ZNF804B: variants seen among roughly 807,000 people sequenced by gnomAD.
ZNF804B encodes zinc finger protein 804B.
Under a neutral mutation model 101.4 loss-of-function variants are expected in ZNF804B, and 80 were observed. The ratio of observed to expected loss-of-function variants is 0.79; its 90% CI spans 0.66 to 0.95. The LOEUF is 0.95. Among genes scored for constraint, ZNF804B ranks in the 40% least tolerant of loss-of-function variants. ZNF804B has a pLI of 0.00. For missense variants in ZNF804B, 1,673 were observed against 1,561.9 expected (o/e 1.07, Z -1.20); for synonymous variants, 622 against 558.8 (o/e 1.11, Z -1.59).
intron 2 of ZNF804B, among the ~76,000 whole-genome samples, chr7:89,298,243 T>A (rs1790419187): frequency 1.7e-5 from 2 of 119,040 alleles, no homozygotes; most frequent in Non-Finnish European, 3.4e-5. Flanking sequence ...TATATATATA[T>A]ATATATATAT....
At chr7:89,292,841 CT>C (rs141253223) in intron 2 of ZNF804B, among the ~76,000 whole-genome samples, 4,029 of 151,528 alleles carry the variant, frequency 0.027, 187 homozygotes, top group African/African-American at 0.092. Context: ...AACAACTGGA[CT>C]TTTTTTTGTA....
chr7:89,063,598 G>A (rs1333683805), intron 1 of ZNF804B, among the ~76,000 whole-genome samples: 5 of 152,142 alleles, frequency 3.3e-5, no homozygotes, highest in African/African-American at 1.2e-4. Flanking sequence ...ACCACCTTGT[G>A]CTTTATGATG....
intron 1 of ZNF804B, chr7:88,794,005 C>T (rs567233880): frequency 1.7e-5 from 8 of 473,230 alleles, no homozygotes; most frequent in Non-Finnish European, 2.5e-5. Flanking sequence ...AATACCACAA[C>T]AAATAGATAC....
At position 89,267,516 on chromosome 7, in the gene ZNF804B, T is replaced by G. The variant is rs368142609; in HGVS notation, c.249+49221T>G. 2.6e-3 allele frequency among the ~76,000 whole-genome samples: 389 copies of G among 152,184 alleles called. 3 individuals are homozygous for G. The highest frequency in any genetic ancestry group is 9.1e-3 in the African/African-American group (376 of 41,538). On this transcript the variant is annotated intron_variant, in intron 2 of 3. Transcript: ENST00000333190. ...CTTCACTCTACTTCCCTCTATGTGT[T>G]GATCAAACTTATTTCCACCAAATAT...
intron 1 of ZNF804B, among the ~76,000 whole-genome samples, chr7:88,766,262 A>G (rs1187000761): frequency 6.6e-6 from 1 of 152,176 alleles, no homozygotes; most frequent in Non-Finnish European, 1.5e-5. Context: ...GTGAACCATA[A>G]TAAGGCCACT....
At chr7:89,186,934 A>T (rs1034135592) in intron 1 of ZNF804B, among the ~76,000 whole-genome samples, 1 of 152,158 alleles carries the variant, frequency 6.6e-6, no homozygotes, top group African/African-American at 2.4e-5. Context: ...AGGAAACAAC[A>T]CGGGGACCTC....
chr7:89,095,761 A>G (rs1485920877), intron 1 of ZNF804B, among the ~76,000 whole-genome samples: 1 of 152,202 alleles, frequency 6.6e-6, no homozygotes, highest in Non-Finnish European at 1.5e-5. Context: ...GTTTCCTGTT[A>G]AGTTTTTAAA....
chr7:88,903,772 A>G (rs1792427242), intron 1 of ZNF804B, among the ~76,000 whole-genome samples: 1 of 152,104 alleles, frequency 6.6e-6, no homozygotes, highest in Non-Finnish European at 1.5e-5. Flanking sequence ...GTATCCGTCC[A>G]TGCCCTTCGC....
intron 2 of ZNF804B, among the ~76,000 whole-genome samples, chr7:89,257,802 CCTT>C (rs1183722940): frequency 6.6e-6 from 1 of 152,032 alleles, no homozygotes; most frequent in Non-Finnish European, 1.5e-5. Context: ...TCTGTTATTC[CCTT>C]CTTGTGTTCC....
At chr7:88,778,049 T>A (rs2115651983) in intron 1 of ZNF804B, among the ~76,000 whole-genome samples, 1 of 152,228 alleles carries the variant, frequency 6.6e-6, no homozygotes, top group African/African-American at 2.4e-5. Flanking sequence ...GTGAAAAAAA[T>A]AACATAAGTT....
rs564172406 is a variant in ZNF804B, at chr7:89,001,337, T to C, written c.109-216818T>C. ...ATTTAGTCATTTCACAATGAATATA[T>C]TCTTTTTTTTCCTTTCCTTTTCTTT... On this transcript the variant is annotated intron_variant, in intron 1 of 3. Transcript: ENST00000333190. Among the ~76,000 whole-genome samples the C allele has an allele frequency of 1.2e-4, 18 of 151,624 alleles. No homozygotes were observed. The South Asian group carries it at 3.7e-3, about 31-fold the overall frequency.
At chr7:88,877,801 T>C (rs962332827) in intron 1 of ZNF804B, among the ~76,000 whole-genome samples, 13 of 152,140 alleles carry the variant, frequency 8.5e-5, no homozygotes, top group African/African-American at 3.1e-4. Flanking sequence ...ATCTTTTACA[T>C]TCACTCAGAA....
chr7:88,894,535 AT>A (rs1792259085), intron 1 of ZNF804B, among the ~76,000 whole-genome samples: 1 of 152,158 alleles, frequency 6.6e-6, no homozygotes, highest in South Asian at 2.1e-4. Context: ...TTAATAGCAT[AT>A]TTTAGATTGA....
intron 1 of ZNF804B, among the ~76,000 whole-genome samples, chr7:89,023,667 A>G (rs578082340): frequency 7.2e-5 from 11 of 152,318 alleles, no homozygotes; most frequent in African/African-American, 2.6e-4. Flanking sequence ...GTTCCTAACC[A>G]CAAGGTTCAG....
At chr7:88,848,039 C>T (rs1433039872) in intron 1 of ZNF804B, among the ~76,000 whole-genome samples, 1 of 152,100 alleles carries the variant, frequency 6.6e-6, no homozygotes, top group Non-Finnish European at 1.5e-5. Context: ...AGTGATTTTG[C>T]CCCCACAGGG....
At position 89,337,625 on chromosome 7, in the gene ZNF804B, A is replaced by G. The variant is rs1160746564; in HGVS notation, c.*593A>G. Among the ~76,000 whole-genome samples the G allele has an allele frequency of 1.3e-5, 2 of 152,172 alleles. No homozygotes were observed. The highest frequency in any genetic ancestry group is 4.8e-5 in the African/African-American group (2 of 41,470). On this transcript the variant is annotated 3_prime_UTR_variant, in exon 4 of 4. Coordinates refer to ENST00000333190, the MANE Select transcript of ZNF804B (RefSeq NM_181646.5). ...ATGAAAAACAATCTTTATAGATTAT[A>G]CTTTTGAGTTTCTGTGAAAAATAAA... is the stretch of plus-strand genomic sequence containing the variant.
At chr7:88,934,729 G>T (rs1038754398) in intron 1 of ZNF804B, among the ~76,000 whole-genome samples, 2 of 151,850 alleles carry the variant, frequency 1.3e-5, no homozygotes, top group African/African-American at 4.8e-5. Flanking sequence ...CAATTAAAAA[G>T]TAAAAAACCG....
At chr7:89,324,111 A>G (rs536390585) in intron 2 of ZNF804B, among the ~76,000 whole-genome samples, 12 of 151,078 alleles carry the variant, frequency 7.9e-5, no homozygotes, top group Non-Finnish European at 1.3e-4. Context: ...AAGAGATACA[A>G]TCACTTTGGT....
chr7:89,279,098 A>G (rs1166568015), intron 2 of ZNF804B, among the ~76,000 whole-genome samples: 3 of 152,022 alleles, frequency 2.0e-5, no homozygotes, highest in Non-Finnish European at 4.4e-5. Context: ...TAGGTATTTT[A>G]TTCTCTTTGA....
Sources: allele counts gnomAD v4.1 joint callset (sites outside exome capture counted in the v4.1 genomes callset), GRCh38; gene constraint gnomAD v4.1.1; transcripts MANE v1.5; gene names NCBI Gene and HGNC (gene_info 2026-07-23, HGNC 2026-07-21).